SYNE1: variants seen among roughly 807,000 people sequenced by gnomAD.
The protein encoded by SYNE1 is nesprin-1.
SYNE1 carries 616 observed loss-of-function variants against 1,111.0 expected under a neutral mutation model. The observed-to-expected ratio is 0.55, with a 90% CI of 0.52 to 0.59. SYNE1 has a LOEUF of 0.59. Ranked by LOEUF, SYNE1 falls within the 20% of genes least tolerant of loss-of-function variation. SYNE1 has a pLI of 0.00. For missense variants in SYNE1, 10,006 were observed against 10,417.0 expected (o/e 0.96, Z 1.72); for synonymous variants, 3,855 against 3,825.8 (o/e 1.01, Z -0.28).
rs555390687 is a variant in SYNE1 at position 152,370,090 on chromosome 6, T to C, written c.9508-476A>G. ...TTGGCACAAACACAATTTTTGAATATCCTTTAAGAACTTTTTAGGGTTCTC... is the reference window on the plus strand; with the variant it reads ...TTGGCACAAACACAATTTTTGAATACCCTTTAAGAACTTTTTAGGGTTCTC... On this transcript the variant is annotated intron_variant, in intron 59 of 145. Transcript: ENST00000367255. Among the ~76,000 whole-genome samples, 5 of 150,926 alleles carry C rather than the reference T, an allele frequency of 3.3e-5. No homozygotes were observed. The South Asian group carries it at 1.1e-3, about 32-fold the overall frequency.
intron 2 of SYNE1, among the ~76,000 whole-genome samples, chr6:152,633,888 C>T (rs1456871547): frequency 2.0e-4 from 16 of 81,416 alleles, no homozygotes; most frequent in East Asian, 4.0e-4. Context: ...ATTTGGACTA[C>T]CTGCTATTTG....
intron 95 of SYNE1, among the ~76,000 whole-genome samples, chr6:152,292,322 T>C (rs1341116373): frequency 6.6e-6 from 1 of 152,194 alleles, no homozygotes; most frequent in Non-Finnish European, 1.5e-5. Context: ...AATTCTCATT[T>C]CGTGCTTTCA....
intron 3 of SYNE1, among the ~76,000 whole-genome samples, chr6:152,587,970 T>C (rs1187974870): frequency 6.6e-6 from 1 of 152,228 alleles, no homozygotes. Flanking sequence ...GAACCAACTC[T>C]TACATTGGGC....
chr6:152,287,666 C>A (rs564296412), intron 95 of SYNE1, among the ~76,000 whole-genome samples: 1 of 152,310 alleles, frequency 6.6e-6, no homozygotes, highest in African/African-American at 2.4e-5. Flanking sequence ...CCTGCCTCAG[C>A]CTCCAGAGTA....
At chr6:152,383,769 T>C (rs2097470686) in intron 55 of SYNE1, among the ~76,000 whole-genome samples, 1 of 152,228 alleles carries the variant, frequency 6.6e-6, no homozygotes, top group Non-Finnish European at 1.5e-5. Flanking sequence ...ATGTCTTCTA[T>C]CCGTCTTCTT....
At chr6:152,470,661 T>C (rs2098800618) in intron 16 of SYNE1, among the ~76,000 whole-genome samples, 1 of 152,170 alleles carries the variant, frequency 6.6e-6, no homozygotes, top group African/African-American at 2.4e-5. Flanking sequence ...TCTAAGATGC[T>C]TCAGTGAAAA....
In SYNE1 at chr6:152,634,131, ATAC is replaced by A. The variant is rs1207244146; in HGVS notation, c.-224+2504_-224+2506del. Among the ~76,000 whole-genome samples the A allele has an allele frequency of 1.0e-4, 16 of 152,384 alleles. No individual in the cohort carries two copies. The East Asian group carries it at 3.1e-3, about 29-fold the overall frequency. On this transcript the variant is annotated intron_variant, in intron 2 of 145. Coordinates refer to ENST00000367255, the MANE Select transcript of SYNE1 (RefSeq NM_182961.4). ...ATACACTAAGAAAAGCACTGAAGAAATACTACTGAGCCACAAGAATATATATAA... is the reference window on the plus strand; with the variant it reads ...ATACACTAAGAAAAGCACTGAAGAAATACTGAGCCACAAGAATATATATAA...
In SYNE1 at chr6:152,449,610, T is replaced by C. The variant is rs776490048; in HGVS notation, c.3427A>G (p.Asn1143Asp). ...TTGATCCCCTTTAATTGTGTCTCATTTGTAGATATCCAAGATGAGAACTCA... is the reference window on the plus strand; with the variant it reads ...TTGATCCCCTTTAATTGTGTCTCATCTGTAGATATCCAAGATGAGAACTCA... ...FSEFSSWIST[N>D]ETQLKGIKGE... The change falls in exon 28 of 146, where the codon AAT becomes GAT. Residue 1143 changes from asparagine (N) to aspartate (D), a missense_variant. Asn to Asp is a conservative substitution (Grantham distance 23). This residue lies in a region of SYNE1 where 1,971 missense variants were observed against 2,084.1 expected (regional missense o/e 0.95). Coordinates refer to ENST00000367255, the MANE Select transcript of SYNE1 (RefSeq NM_182961.4). The C allele has an allele frequency of 6.2e-7, 1 of 1,613,982 alleles. No individual in the cohort carries two copies. The highest frequency in any genetic ancestry group is 1.7e-5 in the Admixed American group (1 of 60,028).
rs2051449481 is a variant in SYNE1, at chr6:152,121,821, CTTAT to C, written c.*611_*614del. 4 of 152,844 alleles carry C rather than the reference CTTAT, an allele frequency of 2.6e-5. No individual in the cohort carries two copies. The highest frequency in any genetic ancestry group is 6.5e-5 in the Admixed American group (1 of 15,364). The allele number at this position is 152,844 out of a possible 1,614,324, so 9.5% of individuals were successfully genotyped here. On this transcript the variant is annotated 3_prime_UTR_variant, in exon 146 of 146. Coordinates refer to ENST00000367255, the MANE Select transcript of SYNE1 (RefSeq NM_182961.4). Reference sequence around the variant, plus strand: ...TTTTTCACATAAAGCCTTCCATGATCTTATTTATTACATCTAGTTTTTCTTTATA... The same window carrying C: ...TTTTTCACATAAAGCCTTCCATGATCTTATTACATCTAGTTTTTCTTTATA...
In SYNE1 at chr6:152,413,253, T is replaced by C. The variant is rs1406495782; in HGVS notation, c.6230+99A>G. ...ACAGAATATCTAAAATGGTAAAAGA[T>C]ATTTAACTACTGATCACATCAACAC... On this transcript the variant is annotated intron_variant, in intron 42 of 145. Coordinates refer to ENST00000367255, the MANE Select transcript of SYNE1 (RefSeq NM_182961.4). 5.6e-6 allele frequency: 7 copies of C among 1,251,172 alleles called. No homozygotes were observed. In the Admixed American group the frequency reaches 1.2e-4, roughly 21 times the overall value. The allele number at this position is 1,251,172 out of a possible 1,614,324, so 77.5% of individuals were successfully genotyped here. A position where few individuals can be genotyped will look rare whatever the true frequency, so the allele number is the denominator to read the frequency against.
chr6:152,510,383 T>A lies in SYNE1; in HGVS notation c.403-12A>T. The A allele has an allele frequency of 6.2e-7, 1 of 1,613,454 alleles. No homozygotes were observed. The highest frequency in any genetic ancestry group is 8.5e-7 in the Non-Finnish European group (1 of 1,179,778). On this transcript the variant is annotated splice_polypyrimidine_tract_variant and intron_variant, in intron 7 of 145. Coordinates refer to ENST00000367255, the MANE Select transcript of SYNE1 (RefSeq NM_182961.4). ...GTCAACTCTTCAATCTGTTTGTGAG[T>A]TAACAGCCAGCAAAAATATAAGCAT...
chr6:152,461,460 T>G (rs1337777077), intron 21 of SYNE1, 137 bp downstream of exon 21: 1 of 1,072,284 alleles, frequency 9.3e-7, no homozygotes, highest in African/African-American at 1.6e-5. Context: ...ACAAAGTTAC[T>G]AAATTGAGAA....
intron 11 of SYNE1, among the ~76,000 whole-genome samples, chr6:152,495,553 C>T (rs1346781302): frequency 6.6e-6 from 1 of 152,084 alleles, no homozygotes; most frequent in Non-Finnish European, 1.5e-5. Context: ...TTTCAATTAC[C>T]TGCTCCACCC....
chr6:152,171,130 T>C lies in SYNE1; in HGVS notation c.23627+5264A>G, dbSNP rs188490771. Among the ~76,000 whole-genome samples the C allele has an allele frequency of 8.3e-4, 126 of 152,346 alleles. 1 individual carries two copies. Among genetic ancestry groups the C allele is most frequent in the African/African-American group, 2.8e-3 (118 of 41,588 alleles). On this transcript the variant is annotated intron_variant, in intron 130 of 145. Coordinates refer to ENST00000367255, the MANE Select transcript of SYNE1 (RefSeq NM_182961.4). The stretch of plus-strand genomic sequence containing the variant: ...AAATCACCCAGTCTCGAGTTGTCTT[T>C]ATCAGCAGCATGAAAATGGACTAAT...
chr6:152,444,542 G>A lies in SYNE1; in HGVS notation c.3706C>T (p.Gln1236Ter). 6.2e-7 allele frequency: 1 copy of A among 1,612,970 alleles called. No homozygotes were observed. The part of the protein sequence containing the change: ...KMLSNFGDCV[Q>*]YKEIVKNSLE... The stretch of plus-strand genomic sequence containing the variant: ...GAATTTTTGACTATTTCTTTGTACT[G>A]GACACAGTCCCCAAAATTGCTTAGC... Residue 1236 changes from glutamine to a stop codon, truncating the protein, a stop_gained, in exon 30 of 146, where the codon CAG becomes TAG. Transcript: ENST00000367255. LOFTEE classifies it high-confidence loss of function.
In SYNE1 at chr6:152,286,399, T is replaced by G. The variant is rs185293364; in HGVS notation, c.18013-2227A>C. 2.2e-4 allele frequency among the ~76,000 whole-genome samples: 34 copies of G among 152,356 alleles called. No individual in the cohort carries two copies. The East Asian group carries it at 5.4e-3, about 24-fold the overall frequency. ...TGGAGTCATACACGATGCACTGCTC[T>G]GTGTCTGGCTCCTTTCATGATTGTG... On this transcript the variant is annotated intron_variant, in intron 95 of 145. Transcript: ENST00000367255.
chr6:152,280,852 A>G lies in SYNE1; in HGVS notation c.18381+955T>C, dbSNP rs1367996348. ...GGCAAAGAATAACAGTGCTTTGGAT[A>G]CACATAGATAAGTTTCCTAAAGCAT... On this transcript the variant is annotated intron_variant, in intron 97 of 145. Transcript: ENST00000367255. 2.0e-5 allele frequency among the ~76,000 whole-genome samples: 3 copies of G among 152,250 alleles called. No individual in the cohort carries two copies. The East Asian group carries it at 5.8e-4, about 29-fold the overall frequency.
chr6:152,505,569 T>C (rs2099053590), intron 8 of SYNE1, among the ~76,000 whole-genome samples, 172 bp from the exon 9 acceptor site: 3 of 152,198 alleles, frequency 2.0e-5, no homozygotes, highest in African/African-American at 7.2e-5. Flanking sequence ...GGCAACAAGA[T>C]AAGATGTCGA....
In SYNE1 at chr6:152,324,777, G is replaced by A. The variant is rs1335207046; in HGVS notation, c.15657+307C>T. ...GATGGCGCCACTGCACTCCAGCCTG[G>A]GCGACAGAGGGAGACTCCGTCAAAA... is the stretch of plus-strand genomic sequence containing the variant. On this transcript the variant is annotated intron_variant, in intron 81 of 145. Transcript: ENST00000367255. Among the ~76,000 whole-genome samples the A allele has an allele frequency of 3.3e-5, 5 of 152,200 alleles. No individual in the cohort carries two copies. In the East Asian group the frequency reaches 9.6e-4, roughly 29 times the overall value.
Sources: allele counts gnomAD v4.1 joint callset (sites outside exome capture counted in the v4.1 genomes callset), GRCh38; gene constraint gnomAD v4.1.1; regional missense constraint gnomAD v4.1.1; transcripts MANE v1.5; gene names NCBI Gene and HGNC (gene_info 2026-07-23, HGNC 2026-07-21).